STK32B: variants seen among roughly 807,000 people sequenced by gnomAD.
The protein encoded by STK32B is serine/threonine kinase 32B.
Under a neutral mutation model 52.6 loss-of-function variants are expected in STK32B, and 43 were observed. That is an observed-to-expected ratio of 0.82 (90% CI 0.64 to 1.05). The LOEUF is 1.05. Ranked by LOEUF, STK32B falls within the 50% of genes least tolerant of loss-of-function variation. The pLI is 0.00. For synonymous variants in STK32B, 238 were observed against 204.3 expected (o/e 1.17, Z -1.41); for missense variants, 621 against 534.6 (o/e 1.16, Z -1.59).
At chr4:5,382,390 A>ATT (rs1735988459) in intron 4 of STK32B, among the ~76,000 whole-genome samples, 1 of 152,166 alleles carries the variant, frequency 6.6e-6, no homozygotes, top group Admixed American at 6.5e-5. Flanking sequence ...TAATACATGT[A>ATT]AAGTGCTGTG....
In STK32B at chr4:5,331,326, G is replaced by C. The variant is rs199915823; in HGVS notation, c.367G>C (p.Val123Leu). ...GAATGTGCATTTCACAGAGGGGACT[G>C]TGAAACTCTACATCTGTGAGCTGGC... ...QQNVHFTEGT[V>L]KLYICELALA... is the part of the protein sequence containing the mutation. The change falls in exon 4 of 12, where the codon GTG becomes CTG. Residue 123 changes from valine to leucine, a missense_variant. Val to Leu is a conservative substitution (Grantham distance 32). Transcript: ENST00000282908. The C allele has an allele frequency of 6.2e-7, 1 of 1,613,850 alleles. No homozygotes were observed. The highest frequency in any genetic ancestry group is 1.7e-5 in the Admixed American group (1 of 60,000).
chr4:5,290,737 C>T (rs2108883271), intron 3 of STK32B, among the ~76,000 whole-genome samples: 1 of 147,898 alleles, frequency 6.8e-6, no homozygotes, highest in East Asian at 2.0e-4. Context: ...AACTATAAAA[C>T]AGCATTGAAA....
intron 1 of STK32B, among the ~76,000 whole-genome samples, chr4:5,056,923 C>G (rs1437905106): frequency 1.3e-5 from 2 of 152,228 alleles, no homozygotes; most frequent in African/African-American, 4.8e-5. Flanking sequence ...CAAAAAACAT[C>G]CATCCCCCCC....
intron 1 of STK32B, among the ~76,000 whole-genome samples, chr4:5,118,009 A>G (rs1453266363): frequency 6.6e-6 from 1 of 152,114 alleles, no homozygotes; most frequent in Non-Finnish European, 1.5e-5. Context: ...GTCGGCCTGT[A>G]AGTTTATTTT....
At chr4:5,164,126 A>G (rs534208076) in intron 2 of STK32B, among the ~76,000 whole-genome samples, 5 of 152,292 alleles carry the variant, frequency 3.3e-5, no homozygotes, top group African/African-American at 4.8e-5. Flanking sequence ...ATAACTTCCT[A>G]AACCAGGTAG....
intron 1 of STK32B, among the ~76,000 whole-genome samples, chr4:5,066,883 A>T (rs766317094): frequency 2.0e-5 from 3 of 152,166 alleles, no homozygotes; most frequent in Non-Finnish European, 4.4e-5. Flanking sequence ...TGCTTCCTAG[A>T]CTGGGTAATT....
intron 4 of STK32B, among the ~76,000 whole-genome samples, chr4:5,344,033 G>A (rs551137624): frequency 1.2e-4 from 19 of 152,250 alleles, no homozygotes; most frequent in African/African-American, 4.3e-4. Context: ...GAGTCTCCAC[G>A]GTCCATAGGC....
chr4:5,048,477 A>G (rs1741659034), upstream of STK32B, among the ~76,000 whole-genome samples: 1 of 152,064 alleles, frequency 6.6e-6, no homozygotes, highest in South Asian at 2.1e-4. Context: ...TTGTATTTTT[A>G]GTAGAGATGG....
At chr4:5,083,448 C>G (rs1712546151) in intron 1 of STK32B, among the ~76,000 whole-genome samples, 1 of 152,110 alleles carries the variant, frequency 6.6e-6, no homozygotes, top group Non-Finnish European at 1.5e-5. Context: ...ACTTTTGAGC[C>G]TAATTTTCTG....
At position 5,318,062 on chromosome 4, in the gene STK32B, G is replaced by A. The variant is rs557837567; in HGVS notation, c.261-13158G>A. On this transcript the variant is annotated intron_variant, in intron 3 of 11. Coordinates refer to ENST00000282908, the MANE Select transcript of STK32B (RefSeq NM_018401.3). ...AGTTTGAGAACCACTGGTAGAGAAA[G>A]TCTTGGCTCTCAGGGCTTGCATTTG... is the stretch of plus-strand genomic sequence containing the variant. 2.0e-5 allele frequency among the ~76,000 whole-genome samples: 3 copies of A among 152,226 alleles called. No homozygotes were observed. The South Asian group carries it at 6.2e-4, about 32-fold the overall frequency.
At chr4:5,317,202 T>A (rs1366908481) in intron 3 of STK32B, among the ~76,000 whole-genome samples, 11 of 45,192 alleles carry the variant, frequency 2.4e-4, no homozygotes, top group African/African-American at 1.2e-3. Flanking sequence ...CATATATATA[T>A]TATATATATA....
intron 4 of STK32B, among the ~76,000 whole-genome samples, chr4:5,372,725 G>C (rs551650419): frequency 4.7e-5 from 7 of 150,516 alleles, no homozygotes; most frequent in African/African-American, 7.3e-5. Flanking sequence ...AAAGTTGGGG[G>C]GGGGGGCGGT....
intron 3 of STK32B, among the ~76,000 whole-genome samples, chr4:5,171,254 G>A (rs1577136944): frequency 1.3e-5 from 2 of 152,004 alleles, no homozygotes; most frequent in African/African-American, 4.8e-5. Context: ...CCATTCTGTA[G>A]GTTGCCTGTT....
intron 4 of STK32B, among the ~76,000 whole-genome samples, chr4:5,368,750 T>TG (rs999488823): frequency 6.6e-6 from 1 of 152,218 alleles, no homozygotes; most frequent in African/African-American, 2.4e-5. Flanking sequence ...TCCTGTCCTC[T>TG]GAAAAACACC....
chr4:5,132,223 T>C (rs1715822976), intron 1 of STK32B, among the ~76,000 whole-genome samples: 1 of 152,220 alleles, frequency 6.6e-6, no homozygotes, highest in Non-Finnish European at 1.5e-5. Context: ...TGAATAGTGC[T>C]GCAGTGGACA....
intron 3 of STK32B, among the ~76,000 whole-genome samples, chr4:5,176,759 T>G (rs1376064059): frequency 6.6e-6 from 1 of 152,296 alleles, no homozygotes; most frequent in East Asian, 1.9e-4. Context: ...CACCATTTCT[T>G]GATCCTCTGT....
chr4:5,028,406 A>T, the STK32B span, among the ~76,000 whole-genome samples: 12 of 152,222 alleles, frequency 7.9e-5, no homozygotes, highest in African/African-American at 2.9e-4. Flanking sequence ...GTCCCAGGCC[A>T]GGATTGAGTT....
intron 2 of STK32B, among the ~76,000 whole-genome samples, chr4:5,146,353 A>G (rs1431240100): frequency 6.6e-6 from 1 of 152,194 alleles, no homozygotes; most frequent in Non-Finnish European, 1.5e-5. Flanking sequence ...CCCCTGGCAA[A>G]CCACTGGTGT....
At chr4:5,485,224 A>G (rs1164652728) in intron 11 of STK32B, among the ~76,000 whole-genome samples, 1 of 152,020 alleles carries the variant, frequency 6.6e-6, no homozygotes, top group Non-Finnish European at 1.5e-5. Flanking sequence ...TTTCAGGTAC[A>G]CCAATCAGAT....
Sources: allele counts gnomAD v4.1 joint callset (sites outside exome capture counted in the v4.1 genomes callset), GRCh38; gene constraint gnomAD v4.1.1; transcripts MANE v1.5; gene names NCBI Gene and HGNC (gene_info 2026-07-23, HGNC 2026-07-21).